RASAL2: variants seen among roughly 807,000 people sequenced by gnomAD.
RASAL2 encodes the protein RAS protein activator like 2.
In RASAL2, 58 loss-of-function variants were observed where a neutral mutation model predicts 128.9. The observed-to-expected ratio is 0.45, with a 90% CI of 0.36 to 0.56. The LOEUF is 0.56. Among genes scored for constraint, RASAL2 ranks in the 20% least tolerant of loss-of-function variants. RASAL2 has a pLI of 0.00. For synonymous variants in RASAL2, 561 were observed against 580.8 expected (o/e 0.97, Z 0.49); for missense variants, 1,360 against 1,601.6 (o/e 0.85, Z 2.57).
chr1:178,470,803 C>T, intron 17 of RASAL2: 2 of 1,127,826 alleles, frequency 1.8e-6, no homozygotes, highest in African/African-American at 1.6e-5. Context: ...CACATTCCAG[C>T]TCCTGCCACT....
chr1:178,466,780 T>G (rs1647745425), intron 16 of RASAL2, among the ~76,000 whole-genome samples: 1 of 152,220 alleles, frequency 6.6e-6, no homozygotes, highest in African/African-American at 2.4e-5. Context: ...TCAATATTTG[T>G]AAAATGCTAT....
rs1336831677 is a variant in RASAL2 at position 178,371,333 on chromosome 1, C to CACACAAACACACACACAAAT, written c.458-18762_458-18761insAACACACACACAAATACACA. Among the ~76,000 whole-genome samples the CACACAAACACACACACAAAT allele has an allele frequency of 6.1e-3, 814 of 133,520 alleles. 1 individual carries two copies. The highest frequency in any genetic ancestry group is 0.024 in the Middle Eastern group (6 of 254). 87.6% of individuals were successfully genotyped at this position (133,520 alleles called of 152,430 possible). On this transcript the variant is annotated intron_variant, in intron 3 of 17. Coordinates refer to ENST00000367649, the MANE Select transcript of RASAL2 (RefSeq NM_170692.4). ...TTCAGCCTTCTTTCCCACACACACA[C>CACACAAACACACACACAAAT]ACACACACACACACACACAAATACA...
At chr1:178,215,001 C>G (rs1663380937) in intron 1 of RASAL2, among the ~76,000 whole-genome samples, 1 of 152,194 alleles carries the variant, frequency 6.6e-6, no homozygotes, top group Non-Finnish European at 1.5e-5. Context: ...GGGAACTTTG[C>G]TGTTGCTGTA....
rs149076646 is a variant in RASAL2, at chr1:178,475,327, G to T, written c.*2088G>T. 2.0e-5 allele frequency: 3 copies of T among 152,176 alleles called. No individual in the cohort carries two copies. Among genetic ancestry groups the T allele is most frequent in the African/African-American group, 7.2e-5 (3 of 41,438 alleles). The allele number at this position is 152,176 out of a possible 1,614,324, so 9.4% of individuals were successfully genotyped here. ...AAATTCTTACACCTTCTCTCCAAGC[G>T]GAGGGCACACTGTGGTCAAAATCAC... On this transcript the variant is annotated 3_prime_UTR_variant, in exon 18 of 18. Transcript: ENST00000367649.
intron 1 of RASAL2, among the ~76,000 whole-genome samples, chr1:178,247,863 A>C (rs923351195): frequency 6.6e-6 from 1 of 152,132 alleles, no homozygotes; most frequent in Non-Finnish European, 1.5e-5. Context: ...TTCAGTTTCC[A>C]TGTAGTTGTG....
chr1:178,218,059 C>A (rs955407583), intron 1 of RASAL2, among the ~76,000 whole-genome samples: 1 of 151,980 alleles, frequency 6.6e-6, no homozygotes, highest in Admixed American at 6.6e-5. Flanking sequence ...AACTCCTCAC[C>A]CATTCAAGTT....
chr1:178,126,861 G>A (rs1659921858), intron 1 of RASAL2, among the ~76,000 whole-genome samples: 1 of 152,178 alleles, frequency 6.6e-6, no homozygotes, highest in South Asian at 2.1e-4. Flanking sequence ...TCATTACATA[G>A]CATGCTGTCA....
At chr1:178,439,868 T>TC (rs1215684941) in intron 6 of RASAL2, among the ~76,000 whole-genome samples, 1 of 152,112 alleles carries the variant, frequency 6.6e-6, no homozygotes, top group Non-Finnish European at 1.5e-5. Context: ...ATTACATTAC[T>TC]ATGTTAATTT....
chr1:178,164,119 C>CT (rs879604583), intron 1 of RASAL2, among the ~76,000 whole-genome samples: 2 of 151,928 alleles, frequency 1.3e-5, no homozygotes, highest in African/African-American at 2.4e-5. Flanking sequence ...ATTCTTTCAA[C>CT]TTTTTTGTGT....
chr1:178,433,183 C>G (rs1374629215), intron 5 of RASAL2, among the ~76,000 whole-genome samples: 1 of 152,118 alleles, frequency 6.6e-6, no homozygotes, highest in African/African-American at 2.4e-5. Context: ...TACTGTCATA[C>G]AGGCCTTTTC....
chr1:178,377,756 T>C (rs1160440770), intron 3 of RASAL2, among the ~76,000 whole-genome samples: 2 of 152,028 alleles, frequency 1.3e-5, no homozygotes, highest in Non-Finnish European at 2.9e-5. Context: ...AAAACTGAAA[T>C]AGTGGACAAC....
intron 1 of RASAL2, among the ~76,000 whole-genome samples, chr1:178,148,936 G>A (rs1218617282): frequency 1.3e-5 from 2 of 151,808 alleles, no homozygotes; most frequent in Middle Eastern, 3.4e-3. Context: ...CTCTTTCTCC[G>A]ATCTGGAAAA....
intron 1 of RASAL2, among the ~76,000 whole-genome samples, chr1:178,254,384 G>A (rs1323970336): frequency 6.6e-6 from 1 of 152,120 alleles, no homozygotes; most frequent in East Asian, 1.9e-4. Context: ...AAAAGTTAAT[G>A]TCTGGATTAT....
chr1:178,163,940 A>T (rs1035910928), intron 1 of RASAL2, among the ~76,000 whole-genome samples: 2 of 152,080 alleles, frequency 1.3e-5, no homozygotes, highest in African/African-American at 4.8e-5. Context: ...TTTTTCTTAC[A>T]CTGTTTAGTA....
rs899316861 is a variant in RASAL2, at chr1:178,132,217, T to A, written c.202+37523T>A. Among the ~76,000 whole-genome samples the A allele has an allele frequency of 3.4e-5, 5 of 148,474 alleles. No homozygotes were observed. In the East Asian group the frequency reaches 8.4e-4, roughly 25 times the overall value. ...CACTATGCCTGGCTAATTTAAAAAA[T>A]TTTAAATTTTTTTTTTTTTTGTAGA... On this transcript the variant is annotated intron_variant, in intron 1 of 17. Transcript: ENST00000367649.
In RASAL2 at chr1:178,454,514, A is replaced by C; in HGVS notation, c.2077A>C (p.Lys693Gln). 6.2e-7 allele frequency: 1 copy of C among 1,613,744 alleles called. No individual in the cohort carries two copies. Among genetic ancestry groups the C allele is most frequent in the Non-Finnish European group, 8.5e-7 (1 of 1,179,676 alleles). ...TTTAGAACATGAATGGGGTGGAATG[A>C]AGCGCTTTCTTTTGGAGATCTCTAA... ...DFLEHEWGGM[K>Q]RFLLEISNPD... Residue 693 changes from lysine to glutamine, a missense_variant, in exon 12 of 18, where the codon AAG (lysine) becomes CAG (glutamine). By Grantham distance (53) the Lys-to-Gln change is moderately conservative. This residue lies in a region of RASAL2 where 741 missense variants were observed against 868.6 expected (regional missense o/e 0.85). Coordinates refer to ENST00000367649, the MANE Select transcript of RASAL2 (RefSeq NM_170692.4).
chr1:178,358,514 T>TAAAG (rs1670941853), intron 3 of RASAL2, among the ~76,000 whole-genome samples: 1 of 152,122 alleles, frequency 6.6e-6, no homozygotes, highest in African/African-American at 2.4e-5. Context: ...GCAAGAGATA[T>TAAAG]AAAGAAGACT....
At position 178,403,735 on chromosome 1, in the gene RASAL2, A is replaced by G. The variant is rs142441798; in HGVS notation, c.564+13529A>G. ...AAAGCATACCTAGTCGGAAACATGG[A>G]TGAATTCTCTAACCTTAATGCAGGG... On this transcript the variant is annotated intron_variant, in intron 4 of 17. Transcript: ENST00000367649. 4.0e-4 allele frequency among the ~76,000 whole-genome samples: 61 copies of G among 152,304 alleles called. 1 individual carries two copies. The East Asian group carries it at 0.011, about 27-fold the overall frequency.
chr1:178,206,380 T>C (rs1471072674), intron 1 of RASAL2, among the ~76,000 whole-genome samples: 2 of 152,202 alleles, frequency 1.3e-5, no homozygotes, highest in African/African-American at 4.8e-5. Context: ...GTTAAAACTC[T>C]CAGCTAAGGA....
Sources: gnomAD v4.1 joint callset for allele counts (sites outside exome capture counted in the v4.1 genomes callset) on GRCh38, gnomAD v4.1.1 for gene constraint, gnomAD v4.1.1 regional missense constraint, MANE v1.5 for transcripts, NCBI Gene and HGNC (gene_info 2026-07-23, HGNC 2026-07-21) for gene names.